EML6: variants seen among roughly 807,000 people sequenced by gnomAD.
EML6 encodes the protein EMAP like 6.
In EML6, 154 loss-of-function variants were observed where a neutral mutation model predicts 240.1. The ratio of observed to expected loss-of-function variants is 0.64; its 90% CI spans 0.56 to 0.73. EML6 has a LOEUF of 0.73. EML6 is among the 30% of genes least tolerant of loss of function. The probability of loss-of-function intolerance (pLI) is 0.00; values close to 1 mark genes in which losing one functional copy is unlikely to be tolerated. For missense variants in EML6, 2,964 were observed against 2,474.6 expected, an observed-to-expected ratio of 1.20 and a Z score of -4.20; for synonymous variants, 1,148 against 899.0, an observed-to-expected ratio of 1.28 and a Z score of -4.95.
intron 2 of EML6, among the ~76,000 whole-genome samples, chr2:54,788,722 A>C (rs1669230708): frequency 6.6e-6 from 1 of 152,230 alleles, no homozygotes; most frequent in African/African-American, 2.4e-5. Flanking sequence ...TTTGGTGTGA[A>C]ACGGTGGTGA....
intron 28 of EML6, among the ~76,000 whole-genome samples, chr2:54,938,797 T>A (rs1675280846): frequency 6.6e-6 from 1 of 152,246 alleles, no homozygotes. Flanking sequence ...GTCTTTGTTC[T>A]GTTTTGCCAA....
intron 2 of EML6, among the ~76,000 whole-genome samples, chr2:54,742,810 G>A (rs1683715431): frequency 6.6e-6 from 1 of 152,184 alleles, no homozygotes; most frequent in African/African-American, 2.4e-5. Context: ...ACATAAAAGA[G>A]AAAGAAACCT....
Position 54,829,507 on chromosome 2 carries a change from T to C in EML6, c.847+30T>C, listed in dbSNP as rs1445413427. The C allele has an allele frequency of 3.3e-6, 5 of 1,515,022 alleles. No individual in the cohort carries two copies. In the Admixed American group the frequency reaches 6.0e-5, roughly 18 times the overall value. The allele number at this position is 1,515,022 out of a possible 1,614,324, so 93.8% of individuals were successfully genotyped here. ...TATATGTGTTAAGCTTACCTGTAAC[T>C]CTGGATGTGAAATATAATGTGAAGT... On this transcript the variant is annotated intron_variant, in intron 7 of 41. Transcript: ENST00000356458.
intron 2 of EML6, among the ~76,000 whole-genome samples, chr2:54,770,703 T>A (rs1668367787): frequency 6.6e-6 from 1 of 152,178 alleles, no homozygotes; most frequent in Non-Finnish European, 1.5e-5. Context: ...AATCTAGGGG[T>A]AATCACATCT....
intron 28 of EML6, among the ~76,000 whole-genome samples, chr2:54,947,431 T>A (rs569975209): frequency 2.0e-5 from 3 of 152,220 alleles, no homozygotes; most frequent in African/African-American, 7.2e-5. Context: ...TTATCACTTA[T>A]GATTACATAA....
chr2:54,800,950 T>C (rs1467846281), intron 2 of EML6, among the ~76,000 whole-genome samples: 2 of 152,124 alleles, frequency 1.3e-5, no homozygotes, highest in East Asian at 1.9e-4. Context: ...GTCAAGGAGC[T>C]AGAATAAAGT....
At chr2:54,840,694 C>A (rs1392346230) in intron 7 of EML6, among the ~76,000 whole-genome samples, 1 of 152,180 alleles carries the variant, frequency 6.6e-6, no homozygotes, top group Non-Finnish European at 1.5e-5. Flanking sequence ...TGTTTTATTT[C>A]ATTTGCTCAG....
intron 21 of EML6, 133 bp downstream of exon 21, chr2:54,895,533 C>G (rs1249260054): frequency 1.9e-5 from 15 of 793,776 alleles, no homozygotes; most frequent in Non-Finnish European, 1.4e-5. Flanking sequence ...AACTAGTTAC[C>G]TATTGCTGTG....
At chr2:54,775,108 C>A (rs1668543352) in intron 2 of EML6, among the ~76,000 whole-genome samples, 1 of 152,216 alleles carries the variant, frequency 6.6e-6, no homozygotes, top group Non-Finnish European at 1.5e-5. Context: ...ACTGGTGTGC[C>A]AGTTCCCACT....
chr2:54,869,447 G>C, intron 15 of EML6, 80 bp downstream of exon 15: 4 of 1,071,060 alleles, frequency 3.7e-6, no homozygotes, highest in Non-Finnish European at 5.4e-6. Flanking sequence ...AGAAATTCAA[G>C]AAATGCTTGG....
rs144263063 is a variant in EML6 at position 54,926,091 on chromosome 2, C to G, written c.3676-2222C>G. ...CTACAAGGGATTGACAACCACTACTCTGGAGACATATTCCAGATTTTTTTT... is the reference window on the plus strand; with the variant it reads ...CTACAAGGGATTGACAACCACTACTGTGGAGACATATTCCAGATTTTTTTT... On this transcript the variant is annotated intron_variant, in intron 26 of 41. Coordinates refer to ENST00000356458, the MANE Select transcript of EML6 (RefSeq NM_001039753.4). 5.1e-3 allele frequency among the ~76,000 whole-genome samples: 780 copies of G among 152,296 alleles called. 2 individuals are homozygous for G. The highest frequency in any genetic ancestry group is 6.8e-3 in the Non-Finnish European group (464 of 68,020).
intron 25 of EML6, among the ~76,000 whole-genome samples, chr2:54,912,300 T>C (rs78142867): frequency 0.027 from 4,150 of 152,336 alleles, 79 homozygotes; most frequent in Non-Finnish European, 0.036. Context: ...TTTTTAACTT[T>C]TTTATATGGA....
chr2:54,827,401 T>C (rs1668648107), intron 5 of EML6, among the ~76,000 whole-genome samples, 165 bp from the exon 6 acceptor site: 1 of 152,220 alleles, frequency 6.6e-6, no homozygotes, highest in African/African-American at 2.4e-5. Flanking sequence ...TTAGCTAAAA[T>C]GCTTTTGTGT....
rs1482778380 is a variant in EML6 at position 54,895,327 on chromosome 2, A to G, written c.2909A>G (p.His970Arg). 7.7e-6 allele frequency: 12 copies of G among 1,551,962 alleles called. No homozygotes were observed. The highest frequency in any genetic ancestry group is 1.0e-5 in the Non-Finnish European group (12 of 1,146,954). ...SIRAITLGHG[H>R]ILVGTKNGEI... The stretch of plus-strand genomic sequence containing the variant: ...CGTGCCATCACTTTGGGACATGGAC[A>G]TATCCTGGTGGGAACAAAAAATGGA... Residue 970 changes from histidine to arginine, a missense_variant, in exon 21 of 42, where the codon CAT becomes CGT. Transcript: ENST00000356458.
In EML6 at chr2:54,928,310, C is replaced by T; in HGVS notation, c.3676-3C>T. On this transcript the variant is annotated splice_polypyrimidine_tract_variant and splice_region_variant and intron_variant, in intron 26 of 41. Transcript: ENST00000356458. Reference sequence around the variant, plus strand: ...GGGTAATAACCAATTTCGGGCTTTACAGGGACAGCACGCAAGATTCAAGAA... The same window carrying T: ...GGGTAATAACCAATTTCGGGCTTTATAGGGACAGCACGCAAGATTCAAGAA... The T allele has an allele frequency of 3.9e-6, 6 of 1,551,498 alleles. No individual in the cohort carries two copies. The highest frequency in any genetic ancestry group is 2.4e-5 in the South Asian group (2 of 84,026).
intron 25 of EML6, among the ~76,000 whole-genome samples, chr2:54,912,168 G>GA (rs1298788065): frequency 6.6e-6 from 1 of 152,180 alleles, no homozygotes; most frequent in African/African-American, 2.4e-5. Context: ...AAGTATATGT[G>GA]TAGTACTTAA....
intron 17 of EML6, among the ~76,000 whole-genome samples, chr2:54,883,719 C>G (rs1411248479): frequency 6.6e-6 from 1 of 152,172 alleles, no homozygotes; most frequent in African/African-American, 2.4e-5. Context: ...TACACATACA[C>G]ACATGCACAT....
chr2:54,899,534 T>G (rs2104187970), intron 21 of EML6, 107 bp from the exon 22 acceptor site: 1 of 1,110,832 alleles, frequency 9.0e-7, no homozygotes, highest in Non-Finnish European at 1.2e-6. Flanking sequence ...TATTCCTATT[T>G]GTGCTTTTTT....
Position 54,823,886 on chromosome 2 carries a change from C to G in EML6, c.525+3424C>G, listed in dbSNP as rs1274575661. ...TCTCTCTCTCTCTCTCTTTCTGTCT[C>G]TCTCTCTCTCTCTCAGAGAGAGATC... On this transcript the variant is annotated intron_variant, in intron 5 of 41. Transcript: ENST00000356458. Among the ~76,000 whole-genome samples the G allele has an allele frequency of 7.3e-5, 11 of 151,028 alleles. No individual in the cohort carries two copies. In the East Asian group the frequency reaches 1.6e-3, roughly 21 times the overall value.
Sources: allele counts gnomAD v4.1 joint callset (sites outside exome capture counted in the v4.1 genomes callset), GRCh38; gene constraint gnomAD v4.1.1; transcripts MANE v1.5; gene names NCBI Gene and HGNC (gene_info 2026-07-23, HGNC 2026-07-21).